UBE2QL1: variants seen among roughly 807,000 people sequenced by gnomAD.
UBE2QL1 encodes ubiquitin conjugating enzyme E2 QL1.
In UBE2QL1, 5 loss-of-function variants were observed where a neutral mutation model predicts 12.6. That is an observed-to-expected ratio of 0.40 (90% CI 0.21 to 0.83). The LOEUF is 0.83. Ranked by LOEUF, UBE2QL1 falls within the 40% of genes least tolerant of loss-of-function variation. The pLI, the probability that UBE2QL1 is intolerant of heterozygous loss-of-function variation, is 0.37. For synonymous variants in UBE2QL1, 96 were observed against 94.5 expected, an observed-to-expected ratio of 1.02 and a Z score of -0.10; for missense variants, 99 against 222.6, an observed-to-expected ratio of 0.44 and a Z score of 3.53.
intron 1 of UBE2QL1, among the ~76,000 whole-genome samples, chr5:6,482,119 C>T (rs570284092): frequency 2.4e-4 from 36 of 152,254 alleles, no homozygotes; most frequent in South Asian, 1.0e-3. Context: ...CAGAGAACAC[C>T]GTATGGCAAT....
intron 1 of UBE2QL1, among the ~76,000 whole-genome samples, chr5:6,450,096 C>A (rs950460712): frequency 6.7e-5 from 10 of 150,180 alleles, no homozygotes; most frequent in East Asian, 2.0e-4. Flanking sequence ...ACCCCCCCCC[C>A]CCACGGCAAT....
chr5:6,451,356 A>G (rs986244021), intron 1 of UBE2QL1, among the ~76,000 whole-genome samples: 11 of 152,374 alleles, frequency 7.2e-5, no homozygotes, highest in African/African-American at 2.4e-4. Flanking sequence ...GCCAAGCGGC[A>G]ATATAGCAAT....
At chr5:6,468,412 A>G (rs1739841170) in intron 1 of UBE2QL1, among the ~76,000 whole-genome samples, 1 of 152,146 alleles carries the variant, frequency 6.6e-6, no homozygotes. Context: ...CGGCAAAGTG[A>G]GAGTGTGGAG....
At chr5:6,491,175 C>T in intron 1 of UBE2QL1, 43 bp from the exon 2 acceptor site, 1 of 1,490,458 alleles carries the variant, frequency 6.7e-7, no homozygotes. Flanking sequence ...AAACAGAATT[C>T]CCAGTGACGT....
rs577571311 is a variant in UBE2QL1, at chr5:6,468,485, G to T, written c.354+19238G>T. 6.8e-4 allele frequency among the ~76,000 whole-genome samples: 103 copies of T among 152,318 alleles called. 2 individuals are homozygous for T. In the South Asian group the frequency reaches 0.011, roughly 16 times the overall value. On this transcript the variant is annotated intron_variant, in intron 1 of 1. Coordinates refer to ENST00000399816, the MANE Select transcript of UBE2QL1 (RefSeq NM_001145161.3). ...GACAACAGACACGGGCTGACTGGTG[G>T]ATCCTTATTTCAAACAGCCGCCTGG...
chr5:6,472,838 T>C (rs1739946384), intron 1 of UBE2QL1, among the ~76,000 whole-genome samples: 4 of 152,190 alleles, frequency 2.6e-5, no homozygotes, highest in Admixed American at 1.3e-4. Context: ...TTCCTCACCG[T>C]CCCATCACGA....
chr5:6,449,294 CTGCAGCG>C, intron 1 of UBE2QL1, 47 bp downstream of exon 1: 1 of 1,309,292 alleles, frequency 7.6e-7, no homozygotes, highest in Non-Finnish European at 9.7e-7. Flanking sequence ...GAGATCGGGT[CTGCAGCG>C]CCGCCGGGCG....
intron 1 of UBE2QL1, among the ~76,000 whole-genome samples, chr5:6,489,262 A>T (rs1734520450): frequency 6.6e-6 from 1 of 152,058 alleles, no homozygotes. Context: ...CCATCTCTAT[A>T]AAAAATAAAA....
intron 1 of UBE2QL1, among the ~76,000 whole-genome samples, chr5:6,453,068 T>C (rs1217095409): frequency 2.0e-5 from 3 of 152,206 alleles, no homozygotes; most frequent in Non-Finnish European, 4.4e-5. Context: ...TTGGTAATAA[T>C]AACTGCAGCA....
Position 6,496,177 on chromosome 5 carries a change from C to A in UBE2QL1, c.*4828C>A, listed in dbSNP as rs913121041. On this transcript the variant is annotated 3_prime_UTR_variant, in exon 2 of 2. Coordinates refer to ENST00000399816, the MANE Select transcript of UBE2QL1 (RefSeq NM_001145161.3). ...AAGAGATCCCTGCACTGCCCCCAAC[C>A]GCCAATTCACCCTGTGTCTCTCGCA... Among the ~76,000 whole-genome samples the A allele has an allele frequency of 1.3e-5, 2 of 152,164 alleles. No homozygotes were observed. The highest frequency in any genetic ancestry group is 4.8e-5 in the African/African-American group (2 of 41,444).
chr5:6,456,520 G>C (rs1201539795), intron 1 of UBE2QL1, among the ~76,000 whole-genome samples: 3 of 152,220 alleles, frequency 2.0e-5, no homozygotes, highest in African/African-American at 7.2e-5. Flanking sequence ...TTCCAGTAAT[G>C]TCTACACTTT....
intron 1 of UBE2QL1, among the ~76,000 whole-genome samples, chr5:6,466,776 A>G (rs1739805337): frequency 6.6e-6 from 1 of 152,244 alleles, no homozygotes. Context: ...CATGTGAATT[A>G]TCTTTCTCTA....
intron 1 of UBE2QL1, among the ~76,000 whole-genome samples, chr5:6,451,747 T>C (rs951430955): frequency 4.6e-5 from 7 of 152,258 alleles, no homozygotes; most frequent in African/African-American, 1.2e-4. Context: ...TTTAGGATTC[T>C]GTGCACAAAA....
At chr5:6,489,335 G>A (rs1419961029) in intron 1 of UBE2QL1, among the ~76,000 whole-genome samples, 5 of 152,014 alleles carry the variant, frequency 3.3e-5, no homozygotes, top group African/African-American at 1.2e-4. Flanking sequence ...GAGGCAGGAG[G>A]ATTGTTTGAG....
intron 1 of UBE2QL1, among the ~76,000 whole-genome samples, chr5:6,450,895 G>T (rs1022870895): frequency 1.2e-4 from 18 of 152,224 alleles, no homozygotes; most frequent in African/African-American, 4.3e-4. Context: ...GTTACATGTT[G>T]AGTCTGATGA....
intron 1 of UBE2QL1, among the ~76,000 whole-genome samples, chr5:6,470,498 G>A (rs186429216): frequency 8.5e-5 from 13 of 152,166 alleles, no homozygotes; most frequent in East Asian, 3.9e-4. Flanking sequence ...TTCTGCACCC[G>A]TGAACACACA....
At chr5:6,451,043 A>C (rs57170803) in intron 1 of UBE2QL1, among the ~76,000 whole-genome samples, 26,191 of 152,226 alleles carry the variant, frequency 0.17, 2,323 homozygotes, top group South Asian at 0.2. Context: ...ATTGCTAATC[A>C]GAATTCTTTG....
chr5:6,491,130 C>T (rs1734560111), intron 1 of UBE2QL1, 88 bp from the exon 2 acceptor site: 1 of 1,406,980 alleles, frequency 7.1e-7, no homozygotes. Context: ...TCAGAAATCC[C>T]CACGACTCTG....
At chr5:6,449,382 G>A in intron 1 of UBE2QL1, 135 bp downstream of exon 1, 2 of 844,526 alleles carry the variant, frequency 2.4e-6, no homozygotes, top group Non-Finnish European at 3.2e-6. Context: ...CTACACCAGC[G>A]CCCCACGGGG....
Sources: gnomAD v4.1 joint callset for allele counts (sites outside exome capture counted in the v4.1 genomes callset) on GRCh38, gnomAD v4.1.1 for gene constraint, MANE v1.5 for transcripts, NCBI Gene and HGNC (gene_info 2026-07-23, HGNC 2026-07-21) for gene names.